The following MAPKAP1 variants were observed in gnomAD, a reference collection of about 807,000 sequenced individuals.
MAPKAP1 encodes MAPK associated protein 1, also known as target of rapamycin complex 2 subunit MAPKAP1.
Under a neutral mutation model 65.7 loss-of-function variants are expected in MAPKAP1, and 20 were observed. The ratio of observed to expected loss-of-function variants is 0.30; its 90% CI spans 0.21 to 0.44. The LOEUF is 0.44. MAPKAP1 is among the 20% of genes least tolerant of loss of function. MAPKAP1 has a pLI of 1.00. For synonymous variants in MAPKAP1, 222 were observed against 244.3 expected (o/e 0.91, Z 0.85); for missense variants, 423 against 648.0 (o/e 0.65, Z 3.77).
At chr9:125,635,124 T>C (rs1833386626) in intron 4 of MAPKAP1, among the ~76,000 whole-genome samples, 1 of 152,198 alleles carries the variant, frequency 6.6e-6, no homozygotes, top group Non-Finnish European at 1.5e-5. Flanking sequence ...TCTCCAGCAA[T>C]GTCAGCCTTC....
In MAPKAP1 at chr9:125,570,902, C is replaced by T. The variant is rs147259023; in HGVS notation, c.672-11093G>A. ...TAAAAGCACAACAGGTTTTTCTTAG[C>T]GCACTCATCTGCTCTTTCATAAAAA... On this transcript the variant is annotated intron_variant, in intron 5 of 11. Transcript: ENST00000265960. Among the ~76,000 whole-genome samples, 258 of 151,474 alleles carry T rather than the reference C, an allele frequency of 1.7e-3. 3 individuals are homozygous for T. Among genetic ancestry groups the T allele is most frequent in the African/African-American group, 4.6e-3 (190 of 41,264 alleles).
intron 1 of MAPKAP1, among the ~76,000 whole-genome samples, chr9:125,689,964 CG>C (rs1321324803): frequency 6.7e-6 from 1 of 148,838 alleles, no homozygotes; most frequent in East Asian, 2.0e-4. Context: ...TGTAGGCGCC[CG>C]TAATCCCAAC....
chr9:125,689,501 C>T (rs1835099244), intron 1 of MAPKAP1, among the ~76,000 whole-genome samples: 1 of 143,926 alleles, frequency 6.9e-6, no homozygotes, highest in East Asian at 2.1e-4. Flanking sequence ...AATCCCTGCA[C>T]TTTGGGAGGC....
chr9:125,459,707 C>G (rs1011034533), intron 10 of MAPKAP1, among the ~76,000 whole-genome samples: 11 of 147,898 alleles, frequency 7.4e-5, no homozygotes, highest in South Asian at 2.1e-4. Context: ...CGCAGGCACT[C>G]GGCAGGCTGA....
intron 8 of MAPKAP1, among the ~76,000 whole-genome samples, chr9:125,498,043 ATAATGTAC>A (rs1828860131): frequency 6.6e-6 from 1 of 152,206 alleles, no homozygotes; most frequent in Admixed American, 6.5e-5. Context: ...CATCCTCCCC[ATAATGTAC>A]TTGGGCTTCC....
chr9:125,596,778 T>C (rs1362173010), intron 4 of MAPKAP1: 3 of 465,944 alleles, frequency 6.4e-6, no homozygotes, highest in Non-Finnish European at 1.2e-5. Context: ...CAAATACTCA[T>C]GTGTATGGGC....
chr9:125,498,260 A>G (rs1828865620), intron 8 of MAPKAP1, among the ~76,000 whole-genome samples: 1 of 152,234 alleles, frequency 6.6e-6, no homozygotes, highest in Admixed American at 6.5e-5. Flanking sequence ...CTTCTCTCTC[A>G]TAGCATATAA....
At chr9:125,581,584 C>T (rs1831628160) in intron 5 of MAPKAP1, among the ~76,000 whole-genome samples, 1 of 152,142 alleles carries the variant, frequency 6.6e-6, no homozygotes, top group Non-Finnish European at 1.5e-5. Flanking sequence ...TTCTATATGT[C>T]TTTAGTCAGA....
chr9:125,671,599 A>G (rs1834499065), intron 2 of MAPKAP1, among the ~76,000 whole-genome samples: 2 of 152,194 alleles, frequency 1.3e-5, no homozygotes, highest in African/African-American at 2.4e-5. Context: ...GTAAAAAAAA[A>G]AGTCCTTGGT....
intron 7 of MAPKAP1, among the ~76,000 whole-genome samples, chr9:125,541,434 C>T (rs1830245181): frequency 1.3e-5 from 2 of 152,076 alleles, no homozygotes; most frequent in South Asian, 4.2e-4. Context: ...ATAAGGCCTT[C>T]TTAGAATATA....
chr9:125,549,630 T>C (rs1830527405), intron 6 of MAPKAP1, among the ~76,000 whole-genome samples: 1 of 152,190 alleles, frequency 6.6e-6, no homozygotes, highest in Non-Finnish European at 1.5e-5. Flanking sequence ...GCTAGACTAA[T>C]GGGCAGTGAG....
intron 1 of MAPKAP1, among the ~76,000 whole-genome samples, chr9:125,686,631 G>T (rs757761174): frequency 6.6e-6 from 1 of 152,136 alleles, no homozygotes; most frequent in Non-Finnish European, 1.5e-5. Flanking sequence ...GCTTCACATT[G>T]TTTTCCCTCG....
chr9:125,448,489 C>A (rs1852803527), intron 10 of MAPKAP1, among the ~76,000 whole-genome samples: 1 of 152,204 alleles, frequency 6.6e-6, no homozygotes, highest in Non-Finnish European at 1.5e-5. Context: ...ATACCATCAG[C>A]CTCAGACACC....
chr9:125,549,354 A>T (rs752353854), intron 6 of MAPKAP1, among the ~76,000 whole-genome samples: 9 of 152,220 alleles, frequency 5.9e-5, no homozygotes, highest in Non-Finnish European at 1.3e-4. Flanking sequence ...ATGCATGTTC[A>T]TTCTCCAGCA....
intron 7 of MAPKAP1, 26 bp downstream of exon 7, chr9:125,543,033 G>C (rs1830301973): frequency 1.4e-6 from 2 of 1,449,482 alleles, no homozygotes; most frequent in African/African-American, 2.8e-5. Context: ...TTCTACTACT[G>C]TGAGAATATG....
chr9:125,676,156 T>C (rs1378569365), intron 1 of MAPKAP1, among the ~76,000 whole-genome samples: 1 of 152,136 alleles, frequency 6.6e-6, no homozygotes, highest in Non-Finnish European at 1.5e-5. Context: ...ATGCACAATA[T>C]GAAGGAATGA....
intron 1 of MAPKAP1, among the ~76,000 whole-genome samples, chr9:125,704,232 C>T (rs986038211): frequency 1.3e-5 from 2 of 152,176 alleles, no homozygotes; most frequent in Non-Finnish European, 2.9e-5. Flanking sequence ...ACAGCTCTAC[C>T]AGCAGCATAA....
intron 1 of MAPKAP1, among the ~76,000 whole-genome samples, chr9:125,694,680 T>C (rs1489811348): frequency 6.6e-6 from 1 of 152,178 alleles, no homozygotes; most frequent in Non-Finnish European, 1.5e-5. Context: ...TGAAGGTTAC[T>C]GTGAAATACT....
chr9:125,578,854 G>A (rs960107595), intron 5 of MAPKAP1, among the ~76,000 whole-genome samples: 4 of 152,188 alleles, frequency 2.6e-5, no homozygotes, highest in East Asian at 1.9e-4. Context: ...ATAGAAATAA[G>A]TAATTAAGGA....
Sources: gnomAD v4.1 joint callset for allele counts (sites outside exome capture counted in the v4.1 genomes callset) on GRCh38, gnomAD v4.1.1 for gene constraint, MANE v1.5 for transcripts, NCBI Gene and HGNC (gene_info 2026-07-23, HGNC 2026-07-21) for gene names.